Variants in GOLGA8B observed in about 807,000 individuals in gnomAD.
The protein encoded by GOLGA8B is golgin A8 family member B, also known as golgin subfamily A member 8B.
A neutral mutation model predicts 15.6 loss-of-function variants in GOLGA8B; 1 was observed. The ratio of observed to expected loss-of-function variants is 0.06; its 90% CI spans 0.02 to 0.30. The LOEUF (loss-of-function observed/expected upper bound fraction) is 0.30, where lower values mean the gene tolerates loss of function less well. Among genes scored for constraint, GOLGA8B ranks in the 10% least tolerant of loss-of-function variants. The pLI is 1.00. For missense variants in GOLGA8B, 17 were observed against 201.3 expected (o/e 0.08, Z 5.54); for synonymous variants, 9 against 80.3 (o/e 0.11, Z 4.75).
At chr15:34,561,388 A>G (rs1179011879) in intron 1 of GOLGA8B, among the ~76,000 whole-genome samples, 1 of 149,930 alleles carries the variant, frequency 6.7e-6, no homozygotes, top group Non-Finnish European at 1.5e-5. Context: ...ACCACCTCTG[A>G]TATTTAGTTC....
At chr15:34,571,903 A>G (rs1433900575) in intron 1 of GOLGA8B, among the ~76,000 whole-genome samples, 2 of 152,144 alleles carry the variant, frequency 1.3e-5, no homozygotes, top group Admixed American at 6.5e-5. Flanking sequence ...GAGAGAAAAT[A>G]TCCGCAATAT....
intron 1 of GOLGA8B, among the ~76,000 whole-genome samples, chr15:34,578,505 A>ACT (rs1566936918): frequency 6.6e-6 from 1 of 151,858 alleles, no homozygotes; most frequent in East Asian, 1.9e-4. Context: ...TGGGCCTCAC[A>ACT]CTCTCTCCAG....
intron 1 of GOLGA8B, among the ~76,000 whole-genome samples, chr15:34,576,642 G>A (rs1479015297): frequency 3.9e-5 from 6 of 152,164 alleles, no homozygotes; most frequent in Non-Finnish European, 5.9e-5. Context: ...GGAAAACCTC[G>A]ATTTCACCCA....
chr15:34,582,105 C>A (rs1040702984), intron 1 of GOLGA8B, among the ~76,000 whole-genome samples: 1 of 152,208 alleles, frequency 6.6e-6, no homozygotes, highest in Admixed American at 6.5e-5. Flanking sequence ...GAGGCAGCCC[C>A]CACGGTCACC....
chr15:34,569,441 C>T (rs1423993652), intron 1 of GOLGA8B, among the ~76,000 whole-genome samples: 1 of 151,888 alleles, frequency 6.6e-6, no homozygotes, highest in Non-Finnish European at 1.5e-5. Flanking sequence ...CTCTGGGCGC[C>T]ACTCCCCTGC....
chr15:34,580,737 C>A lies in GOLGA8B; in HGVS notation c.-1123+2779G>T, dbSNP rs114542300. On this transcript the variant is annotated intron_variant, in intron 1 of 23. Transcript: ENST00000683415. ...AGAGCCGGAGAAGCCTCTCTGTGGG[C>A]GCTCAGGCCAACCACCATCCAAGGG... 5.7e-3 allele frequency among the ~76,000 whole-genome samples: 869 copies of A among 152,214 alleles called. 9 individuals carry two copies. The highest frequency in any genetic ancestry group is 0.02 in the African/African-American group (846 of 41,536).
In GOLGA8B at chr15:34,560,922, G is replaced by A. The variant is rs574609225; in HGVS notation, c.-1122-6966C>T. Among the ~76,000 whole-genome samples, 14 of 132,950 alleles carry A rather than the reference G, an allele frequency of 1.1e-4. 2 individuals carry two copies. The allele number at this position is 132,950 out of a possible 152,430, so 87.2% of individuals were successfully genotyped here. A position where few individuals can be genotyped will look rare whatever the true frequency, so the allele number is the denominator to read the frequency against. ...GCCCCTAAGCAATGGTATTAGAAAG[G>A]GTTGGTGAAGATTTTCTCATTTGAG... On this transcript the variant is annotated intron_variant, in intron 1 of 23. Coordinates refer to ENST00000683415, the MANE Select transcript of GOLGA8B (RefSeq NM_001023567.5).
At chr15:34,559,262 G>C (rs1449054711) in intron 1 of GOLGA8B, among the ~76,000 whole-genome samples, 1 of 147,422 alleles carries the variant, frequency 6.8e-6, no homozygotes, top group Non-Finnish European at 1.5e-5. Context: ...GAGAGAGCAG[G>C]GAGTGGGGAG....
intron 1 of GOLGA8B, among the ~76,000 whole-genome samples, chr15:34,567,495 G>C (rs150137652): frequency 3.1e-3 from 470 of 150,292 alleles, no homozygotes; most frequent in African/African-American, 0.011. Flanking sequence ...CATTAAACGA[G>C]AAGAAAATCG....
intron 1 of GOLGA8B, among the ~76,000 whole-genome samples, chr15:34,573,927 G>C (rs1888994430): frequency 1.3e-5 from 2 of 151,362 alleles, no homozygotes; most frequent in African/African-American, 4.9e-5. Context: ...GGGAGGGCTT[G>C]GTTTCAACCT....
rs74007871 is a variant in GOLGA8B at position 34,578,373 on chromosome 15, A to G, written c.-1123+5143T>C. Among the ~76,000 whole-genome samples, 277 of 152,346 alleles carry G rather than the reference A, an allele frequency of 1.8e-3. 3 individuals carry two copies. The highest frequency in any genetic ancestry group is 6.3e-3 in the African/African-American group (263 of 41,582). On this transcript the variant is annotated intron_variant, in intron 1 of 23. Transcript: ENST00000683415. The stretch of plus-strand genomic sequence containing the variant: ...CTCCGATGCCAGCCATCAGTCTCTC[A>G]GCACGTGTTGAAAATTAGCCCCTGT...
At chr15:34,568,940 T>C (rs1888832698) in intron 1 of GOLGA8B, among the ~76,000 whole-genome samples, 1 of 147,524 alleles carries the variant, frequency 6.8e-6, no homozygotes, top group Admixed American at 6.6e-5. Flanking sequence ...CTCGTGCGCT[T>C]GTGCGCTCTC....
At chr15:34,570,287 C>A (rs146578938) in intron 1 of GOLGA8B, among the ~76,000 whole-genome samples, 1,674 of 148,770 alleles carry the variant, frequency 0.011, 15 homozygotes, top group Non-Finnish European at 0.018. Context: ...AAAGCCACAT[C>A]CTCTAAGGCC....
chr15:34,547,128 CAAGA>C (rs1330149212), intron 4 of GOLGA8B, 146 bp from the exon 5 acceptor site: 19 of 37,456 alleles, frequency 5.1e-4, no homozygotes, highest in South Asian at 2.0e-3. Context: ...AGAGTAAGTA[CAAGA>C]AAGTATTCTT....
rs1403673119 is a variant in GOLGA8B at position 34,570,613 on chromosome 15, A to G, written c.-1123+12903T>C. Among the ~76,000 whole-genome samples, 897 of 124,360 alleles carry G rather than the reference A, an allele frequency of 7.2e-3. 4 individuals carry two copies. The highest frequency in any genetic ancestry group is 0.019 in the Middle Eastern group (5 of 258). 81.6% of individuals were successfully genotyped at this position (124,360 alleles called of 152,430 possible). ...ATGGACCCCATAACAAAAGGCATAA[A>G]TAACAAAAAAGAAAGGTCGACGATG... On this transcript the variant is annotated intron_variant, in intron 1 of 23. Coordinates refer to ENST00000683415, the MANE Select transcript of GOLGA8B (RefSeq NM_001023567.5).
chr15:34,564,869 G>GGTGACAGGAGCC (rs1888718493), intron 1 of GOLGA8B, among the ~76,000 whole-genome samples: 2 of 144,104 alleles, frequency 1.4e-5, no homozygotes, highest in Admixed American at 1.4e-4. Flanking sequence ...CCACCCTGTA[G>GGTGACAGGAGCC]GTGACAGGAG....
chr15:34,578,214 T>C (rs1442119829), intron 1 of GOLGA8B, among the ~76,000 whole-genome samples: 1 of 152,218 alleles, frequency 6.6e-6, no homozygotes, highest in East Asian at 1.9e-4. Flanking sequence ...AGAATCCATG[T>C]TGGCTTCAAG....
chr15:34,582,317 C>A (rs1208515160), intron 1 of GOLGA8B, among the ~76,000 whole-genome samples: 1 of 152,228 alleles, frequency 6.6e-6, no homozygotes, highest in African/African-American at 2.4e-5. Context: ...GAAAACTTGT[C>A]CCACTTCAAC....
At chr15:34,578,808 G>A (rs866491016) in intron 1 of GOLGA8B, among the ~76,000 whole-genome samples, 82 of 152,162 alleles carry the variant, frequency 5.4e-4, no homozygotes, top group African/African-American at 1.8e-3. Flanking sequence ...GTCACTCAAC[G>A]CAGGTATCTC....
Sources: gnomAD v4.1 joint callset for allele counts (sites outside exome capture counted in the v4.1 genomes callset) on GRCh38, gnomAD v4.1.1 for gene constraint, MANE v1.5 for transcripts, NCBI Gene and HGNC (gene_info 2026-07-23, HGNC 2026-07-21) for gene names.